KCNC2: variants seen among roughly 807,000 people sequenced by gnomAD.
KCNC2 encodes voltage-gated potassium channel KCNC2.
In KCNC2, 21 loss-of-function variants were observed where a neutral mutation model predicts 44.5. The ratio of observed to expected loss-of-function variants is 0.47; its 90% confidence interval spans 0.33 to 0.68. The LOEUF is 0.68. Ranked by LOEUF, KCNC2 falls within the 30% of genes least tolerant of loss-of-function variation. The pLI is 0.01. For synonymous variants in KCNC2, 391 were observed against 339.1 expected (o/e 1.15, Z -1.68); for missense variants, 589 against 826.2 (o/e 0.71, Z 3.52).
chr12:75,157,991 G>A (rs1394326360), intron 2 of KCNC2, among the ~76,000 whole-genome samples: 2 of 151,824 alleles, frequency 1.3e-5, no homozygotes, highest in Non-Finnish European at 2.9e-5. Flanking sequence ...TTTGCGGCAG[G>A]TCACTGATTT....
At chr12:75,130,580 TATAAC>T (rs1000281473) in intron 2 of KCNC2, among the ~76,000 whole-genome samples, 22 of 152,158 alleles carry the variant, frequency 1.4e-4, no homozygotes, top group African/African-American at 5.3e-4. Flanking sequence ...CAGAAATTAT[TATAAC>T]ATAGAAAGTG....
intron 2 of KCNC2, among the ~76,000 whole-genome samples, chr12:75,176,623 C>T (rs1360835054): frequency 2.0e-5 from 3 of 151,938 alleles, no homozygotes; most frequent in African/African-American, 7.2e-5. Context: ...TTCTCTACCC[C>T]TAGTCTTCTA....
rs1484667734 is a variant in KCNC2 at position 75,207,796 on chromosome 12, G to C, written c.188C>G (p.Pro63Arg). 6.3e-7 allele frequency: 1 copy of C among 1,596,718 alleles called. No homozygotes were observed. The highest frequency in any genetic ancestry group is 1.1e-5 in the South Asian group (1 of 89,932). Residue 63 changes from proline (P) to arginine (R), a missense_variant, in exon 2 of 5, where the codon CCG (proline) becomes CGG (arginine). By Grantham distance (103) the Pro-to-Arg change is moderately radical. Around this residue, in one of 7 missense-constraint regions of KCNC2, gnomAD observed 148 missense variants for 140.1 expected, o/e 1.06. Transcript: ENST00000549446. This position sits in a 1 kb window ranked among gnomAD's most constrained non-coding sequence, Gnocchi z 4.1. ...GGACAGCGGGGGCGCTCTCGGCGGC[G>C]GCGACAGTGGAGGCGGCGACGGCTG... ...KLQPSPPPLS[P>R]PPRAPPLSPG... is the part of the protein sequence containing the mutation.
chr12:75,155,626 T>G (rs952685449), intron 2 of KCNC2, among the ~76,000 whole-genome samples: 8 of 151,820 alleles, frequency 5.3e-5, no homozygotes, highest in African/African-American at 1.9e-4. Flanking sequence ...TGTACTACAT[T>G]TGCCCACTGA....
At chr12:75,089,212 T>C (rs1190273362) in intron 2 of KCNC2, among the ~76,000 whole-genome samples, 1 of 151,908 alleles carries the variant, frequency 6.6e-6, no homozygotes, top group Non-Finnish European at 1.5e-5. Context: ...ATTTTCTCTG[T>C]TAATATTCTA....
At chr12:75,204,341 T>C (rs2137805771) in intron 2 of KCNC2, among the ~76,000 whole-genome samples, 1 of 152,084 alleles carries the variant, frequency 6.6e-6, no homozygotes, top group Admixed American at 6.5e-5. Flanking sequence ...GGTTGCAAAA[T>C]TCAATTAATT....
At chr12:75,159,214 C>A (rs776070445) in intron 2 of KCNC2, among the ~76,000 whole-genome samples, 3 of 151,560 alleles carry the variant, frequency 2.0e-5, no homozygotes, top group Non-Finnish European at 4.4e-5. Flanking sequence ...CACATGTATA[C>A]CTGTGTAACA....
intron 2 of KCNC2, among the ~76,000 whole-genome samples, chr12:75,084,885 A>G (rs1884863219): frequency 6.6e-6 from 1 of 151,218 alleles, no homozygotes; most frequent in African/African-American, 2.4e-5. Flanking sequence ...GCTCCCCTGT[A>G]GCATTATCTA....
At chr12:75,189,546 C>G (rs553337840) in intron 2 of KCNC2, among the ~76,000 whole-genome samples, 1 of 152,314 alleles carries the variant, frequency 6.6e-6, no homozygotes, top group Non-Finnish European at 1.5e-5. Flanking sequence ...TCTGTAAGTA[C>G]CTACTGTGTA....
Position 75,134,497 on chromosome 12 carries a change from C to A in KCNC2, c.687+72800G>T, listed in dbSNP as rs540672447. Among the ~76,000 whole-genome samples the A allele has an allele frequency of 5.3e-5, 8 of 151,510 alleles. No homozygotes were observed. The East Asian group carries it at 7.8e-4, about 15-fold the overall frequency. ...ATTTCAGGAAAATAAGCAGAGATATCTTTGTGATAAATTAAATTGATTAAG... is the reference window on the plus strand; with the variant it reads ...ATTTCAGGAAAATAAGCAGAGATATATTTGTGATAAATTAAATTGATTAAG... On this transcript the variant is annotated intron_variant, in intron 2 of 4. Transcript: ENST00000549446.
intron 2 of KCNC2, among the ~76,000 whole-genome samples, chr12:75,116,865 C>T (rs1164595135): frequency 6.6e-6 from 1 of 152,168 alleles, no homozygotes; most frequent in East Asian, 1.9e-4. Context: ...CTGCTGCCCA[C>T]CTGCCTCCAA....
intron 2 of KCNC2, among the ~76,000 whole-genome samples, chr12:75,185,247 G>T (rs1010061375): frequency 6.6e-6 from 1 of 152,090 alleles, no homozygotes; most frequent in Admixed American, 6.6e-5. Flanking sequence ...AGGCTACTAA[G>T]GTTATGTGAT....
At chr12:75,050,080 C>A (rs1333618857) in intron 3 of KCNC2, among the ~76,000 whole-genome samples, 4 of 151,926 alleles carry the variant, frequency 2.6e-5, no homozygotes, top group African/African-American at 9.7e-5. Context: ...TCACATCGTG[C>A]AGGGAAACAA....
chr12:75,188,231 A>G (rs554283081), intron 2 of KCNC2, among the ~76,000 whole-genome samples: 18 of 152,326 alleles, frequency 1.2e-4, no homozygotes, highest in Admixed American at 1.1e-3. Flanking sequence ...AATTAGAATT[A>G]GAGTTACAGT....
intron 2 of KCNC2, among the ~76,000 whole-genome samples, chr12:75,170,046 A>C (rs917410895): frequency 6.6e-6 from 1 of 151,764 alleles, no homozygotes; most frequent in African/African-American, 2.4e-5. Flanking sequence ...ATGACTAAGT[A>C]AAAGAAAAAC....
At chr12:75,088,475 T>C (rs758611944) in intron 2 of KCNC2, among the ~76,000 whole-genome samples, 6 of 152,102 alleles carry the variant, frequency 3.9e-5, no homozygotes, top group Admixed American at 2.0e-4. Context: ...CTCTATTCTT[T>C]GTGTAAAACA....
chr12:75,091,052 T>C (rs1436987910), intron 2 of KCNC2, among the ~76,000 whole-genome samples: 1 of 151,678 alleles, frequency 6.6e-6, no homozygotes, highest in Non-Finnish European at 1.5e-5. Flanking sequence ...TCTTAAGTTG[T>C]TTTAATATGA....
At chr12:75,133,177 G>C (rs1430869794) in intron 2 of KCNC2, among the ~76,000 whole-genome samples, 1 of 151,876 alleles carries the variant, frequency 6.6e-6, no homozygotes, top group Non-Finnish European at 1.5e-5. Flanking sequence ...TTGGTTAATG[G>C]ATTCAAGATA....
chr12:75,043,777 T>C (rs750112284), intron 4 of KCNC2: 104 of 1,514,554 alleles, frequency 6.9e-5, no homozygotes, highest in Non-Finnish European at 8.6e-5. Context: ...GGTGCCATTA[T>C]CCAGGTGATG....
Sources: gnomAD v4.1 joint callset for allele counts (sites outside exome capture counted in the v4.1 genomes callset) on GRCh38, gnomAD v4.1.1 for gene constraint, gnomAD v4.1.1 regional missense constraint, Gnocchi (gnomAD v3.1) non-coding constraint, MANE v1.5 for transcripts, NCBI Gene and HGNC (gene_info 2026-07-23, HGNC 2026-07-21) for gene names.